The following PTPRU variants were observed in gnomAD, a reference collection of about 807,000 sequenced individuals.
The protein encoded by PTPRU is receptor-type tyrosine-protein phosphatase U.
Under a neutral mutation model 166.3 loss-of-function variants are expected in PTPRU, and 69 were observed. The ratio of observed to expected loss-of-function variants is 0.41; its 90% CI spans 0.34 to 0.51. The LOEUF is 0.51. Among genes scored for constraint, PTPRU ranks in the 20% least tolerant of loss-of-function variants. The pLI is 0.09. For missense variants in PTPRU, 1,657 were observed against 2,013.7 expected (o/e 0.82, Z 3.39); for synonymous variants, 793 against 814.0 (o/e 0.97, Z 0.44).
chr1:29,249,194 G>A (rs796932989), intron 1 of PTPRU, among the ~76,000 whole-genome samples: 4 of 152,098 alleles, frequency 2.6e-5, no homozygotes, highest in Non-Finnish European at 4.4e-5. Context: ...ACACTCACAC[G>A]CACACCTGCA....
chr1:29,325,552 G>A (rs990778863), intron 29 of PTPRU, 47 bp from the exon 30 acceptor site: 19 of 1,564,172 alleles, frequency 1.2e-5, no homozygotes, highest in Non-Finnish European at 1.6e-5. Context: ...CACAATACTG[G>A]AGTTGGGGTC....
Position 29,310,751 on chromosome 1 carries a change from A to G in PTPRU, c.2828A>G (p.His943Arg). The G allele has an allele frequency of 6.2e-7, 1 of 1,613,856 alleles. No homozygotes were observed. ...CCTCTCCTCCTGTTCCAGGGTTACCACAGGTCAAACCACTTCATAGCCACT... is the reference window on the plus strand; with the variant it reads ...CCTCTCCTCCTGTTCCAGGGTTACCGCAGGTCAAACCACTTCATAGCCACT... ...YINANYIDGY[H>R]RSNHFIATQG... The change falls in exon 19 of 30, where the codon CAC becomes CGC. Residue 943 changes from histidine (H) to arginine (R), a missense_variant. By Grantham distance (29) the His-to-Arg change is conservative (BLOSUM62 0). Coordinates refer to ENST00000373779, the MANE Select transcript of PTPRU (RefSeq NM_133178.4).
At position 29,263,706 on chromosome 1, in the gene PTPRU, A is replaced by G. The variant is rs77436058; in HGVS notation, c.1144+2803A>G. ...TCTAGTATATATGAAATGGTATCTC[A>G]TTGTGATTTTGATTTGCATTACCCT... On this transcript the variant is annotated intron_variant, in intron 7 of 29. Coordinates refer to ENST00000373779, the MANE Select transcript of PTPRU (RefSeq NM_133178.4). Among the ~76,000 whole-genome samples, 1,285 of 152,136 alleles carry G rather than the reference A, an allele frequency of 8.4e-3. 17 individuals are homozygous for G. The highest frequency in any genetic ancestry group is 0.029 in the African/African-American group (1,220 of 41,468).
Position 29,326,434 on chromosome 1 carries a change from G to C in PTPRU, c.*773G>C, listed in dbSNP as rs1254565209. On this transcript the variant is annotated 3_prime_UTR_variant, in exon 30 of 30. Coordinates refer to ENST00000373779, the MANE Select transcript of PTPRU (RefSeq NM_133178.4). ...TTTAATCTTCAGGCCTCACTGGCCT[G>C]TCCTGCTCAGCTTGGGCCAGTGACA... is the stretch of plus-strand genomic sequence containing the variant. The C allele has an allele frequency of 1.3e-5, 2 of 152,706 alleles. No homozygotes were observed. Among genetic ancestry groups the C allele is most frequent in the African/African-American group, 2.4e-5 (1 of 41,438 alleles). The allele number at this position is 152,706 out of a possible 1,614,324, so 9.5% of individuals were successfully genotyped here.
chr1:29,310,668 G>A (rs1183910871), intron 18 of PTPRU, 76 bp from the exon 19 acceptor site: 10 of 1,463,742 alleles, frequency 6.8e-6, no homozygotes, highest in Non-Finnish European at 9.6e-6. Flanking sequence ...GCTGCTGGGA[G>A]GGGAGGGTAG....
chr1:29,239,814 C>T (rs1174804963), intron 1 of PTPRU, among the ~76,000 whole-genome samples: 1 of 152,066 alleles, frequency 6.6e-6, no homozygotes, highest in Non-Finnish European at 1.5e-5. Flanking sequence ...TGCAGGAAGA[C>T]TCCAGCCTCC....
At position 29,280,192 on chromosome 1, in the gene PTPRU, C is replaced by T. The variant is rs769824830; in HGVS notation, c.1868+51C>T. 3 of 1,514,488 alleles carry T rather than the reference C, an allele frequency of 2.0e-6. No individual in the cohort carries two copies. The highest frequency in any genetic ancestry group is 1.7e-5 in the Admixed American group (1 of 58,184). 93.8% of individuals were successfully genotyped at this position (1,514,488 alleles called of 1,614,324 possible). A position where few individuals can be genotyped will look rare whatever the true frequency, so the allele number is the denominator to read the frequency against. ...GGAGTCCAGGGCCTTAGGAAAGAGG[C>T]CCCTCCTCTGACCCAGAGCCCCATC... On this transcript the variant is annotated intron_variant, in intron 11 of 29. Transcript: ENST00000373779. This position sits in a 1 kb window ranked among gnomAD's most constrained non-coding sequence, Gnocchi z 4.2.
chr1:29,288,825 A>G (rs1038571796), intron 14 of PTPRU, among the ~76,000 whole-genome samples: 1 of 152,156 alleles, frequency 6.6e-6, no homozygotes, highest in East Asian at 1.9e-4. Flanking sequence ...AGAGAGGCCC[A>G]GGTAGCCCAT....
Position 29,279,675 on chromosome 1 carries a change from C to A in PTPRU, c.1765+18C>A. On this transcript the variant is annotated intron_variant, in intron 10 of 29. Coordinates refer to ENST00000373779, the MANE Select transcript of PTPRU (RefSeq NM_133178.4). This position sits in a 1 kb window ranked among gnomAD's most constrained non-coding sequence, Gnocchi z 5.2. Reference sequence around the variant, plus strand: ...CATCTCTGGTGAGCCCCACCTGACCCGGCCCAGCCTCTTCGGAGGTGGCCC... The same window carrying A: ...CATCTCTGGTGAGCCCCACCTGACCAGGCCCAGCCTCTTCGGAGGTGGCCC... The A allele has an allele frequency of 1.2e-6, 2 of 1,607,298 alleles. No individual in the cohort carries two copies. The highest frequency in any genetic ancestry group is 8.5e-7 in the Non-Finnish European group (1 of 1,178,716).
chr1:29,246,065 G>A (rs1574599998), intron 1 of PTPRU, among the ~76,000 whole-genome samples: 1 of 152,268 alleles, frequency 6.6e-6, no homozygotes, highest in Non-Finnish European at 1.5e-5. Context: ...TATTGCATCA[G>A]GACTGTGAAC....
intron 29 of PTPRU, 103 bp from the exon 30 acceptor site, chr1:29,325,496 G>A: frequency 1.3e-6 from 2 of 1,509,572 alleles, no homozygotes; most frequent in Non-Finnish European, 1.8e-6. Context: ...GGGCGGGCCT[G>A]GGCTCGGGCT....
In PTPRU at chr1:29,315,655, G is replaced by A. The variant is rs1687871168; in HGVS notation, c.3363+148G>A. On this transcript the variant is annotated intron_variant, in intron 23 of 29. Transcript: ENST00000373779. This position sits in a 1 kb window ranked among gnomAD's most constrained non-coding sequence, Gnocchi z 4.5. Reference sequence around the variant, plus strand: ...CATCCCTGACCTTGGGCCGCCAACTGCATAGGGTCATCCTGAACTGCTCCC... The same window carrying A: ...CATCCCTGACCTTGGGCCGCCAACTACATAGGGTCATCCTGAACTGCTCCC... 2 of 1,197,696 alleles carry A rather than the reference G, an allele frequency of 1.7e-6. No individual in the cohort carries two copies. Among genetic ancestry groups the A allele is most frequent in the Non-Finnish European group, 2.4e-6 (2 of 842,180 alleles). The allele number at this position is 1,197,696 out of a possible 1,614,324, so 74.2% of individuals were successfully genotyped here.
At chr1:29,249,220 G>T (rs2151941287) in intron 1 of PTPRU, among the ~76,000 whole-genome samples, 1 of 152,334 alleles carries the variant, frequency 6.6e-6, no homozygotes, top group Middle Eastern at 3.4e-3. Context: ...ACACATGCAT[G>T]GGGAGGTGTG....
intron 15 of PTPRU, 74 bp downstream of exon 15, chr1:29,292,100 C>T: frequency 2.6e-6 from 4 of 1,548,802 alleles, no homozygotes; most frequent in Non-Finnish European, 2.6e-6. Context: ...GTCCCCACAT[C>T]AGGTGAGTTC....
intron 1 of PTPRU, among the ~76,000 whole-genome samples, chr1:29,240,048 C>T (rs1484457141): frequency 6.6e-6 from 1 of 152,106 alleles, no homozygotes; most frequent in Non-Finnish European, 1.5e-5. Flanking sequence ...TTACCAAAGA[C>T]CCAAATGCCC....
rs983372790 is a variant in PTPRU, at chr1:29,315,588, C to A, written c.3363+81C>A. The A allele has an allele frequency of 3.8e-6, 6 of 1,581,758 alleles. No individual in the cohort carries two copies. In the African/African-American group the frequency reaches 4.0e-5, roughly 11 times the overall value. ...GTGAAGGATCCTGGAGCCGGCAGAG[C>A]ATGCCCAAAGGGTGTCCTGAGGCTC... On this transcript the variant is annotated intron_variant, in intron 23 of 29. Transcript: ENST00000373779. This position sits in a 1 kb window ranked among gnomAD's most constrained non-coding sequence, Gnocchi z 4.5.
chr1:29,241,053 A>G (rs1483939629), intron 1 of PTPRU, among the ~76,000 whole-genome samples: 1 of 152,098 alleles, frequency 6.6e-6, no homozygotes, highest in Non-Finnish European at 1.5e-5. Context: ...AGGGATTGTA[A>G]CTAGGGGCAT....
At chr1:29,297,321 C>T (rs1686935977) in intron 15 of PTPRU, among the ~76,000 whole-genome samples, 1 of 152,050 alleles carries the variant, frequency 6.6e-6, no homozygotes, top group Non-Finnish European at 1.5e-5. Context: ...TCCCAAAGTG[C>T]TGAGATTACA....
Position 29,237,635 on chromosome 1 carries a change from G to T in PTPRU, c.73+918G>T, listed in dbSNP as rs1248095158. Among the ~76,000 whole-genome samples the T allele has an allele frequency of 6.6e-6, 1 of 151,496 alleles. No individual in the cohort carries two copies. The highest frequency in any genetic ancestry group is 1.5e-5 in the Non-Finnish European group (1 of 67,754). On this transcript the variant is annotated intron_variant, in intron 1 of 29. Coordinates refer to ENST00000373779, the MANE Select transcript of PTPRU (RefSeq NM_133178.4). The surrounding 1 kb of genome is among the most constrained non-coding windows in gnomAD (Gnocchi z 6.4). ...CGGCGGCGCCCCCTGGGCTGCCCGG[G>T]TCGGGCAGGGCCCGAGGCTCAGGGG...
Sources: gnomAD v4.1 joint callset for allele counts (sites outside exome capture counted in the v4.1 genomes callset) on GRCh38, gnomAD v4.1.1 for gene constraint, Gnocchi (gnomAD v3.1) non-coding constraint, MANE v1.5 for transcripts, NCBI Gene and HGNC (gene_info 2026-07-23, HGNC 2026-07-21) for gene names.